NRF1: variants seen among roughly 807,000 people sequenced by gnomAD.
NRF1 encodes nuclear respiratory factor 1, also known as alpha palindromic-binding protein.
A neutral mutation model predicts 58.5 loss-of-function variants in NRF1; 5 were observed. The observed-to-expected ratio is 0.09, with a 90% CI of 0.04 to 0.18. The LOEUF (loss-of-function observed/expected upper bound fraction) is 0.18. Ranked by LOEUF, NRF1 falls within the 10% of genes least tolerant of loss-of-function variation. The probability of loss-of-function intolerance (pLI) is 1.00; values close to 1 mark genes in which losing one functional copy is unlikely to be tolerated. For missense variants in NRF1, 288 were observed against 657.7 expected, an observed-to-expected ratio of 0.44 and a Z score of 6.15; for synonymous variants, 224 against 246.7, an observed-to-expected ratio of 0.91 and a Z score of 0.86.
chr7:129,742,790 A>C (rs569085953), intron 10 of NRF1, among the ~76,000 whole-genome samples: 1 of 152,170 alleles, frequency 6.6e-6, no homozygotes, highest in African/African-American at 2.4e-5. Flanking sequence ...AGCTCTGGAA[A>C]GGTTTTAGAG....
At position 129,741,275 on chromosome 7, in the gene NRF1, G is replaced by A. The variant is rs1163953282; in HGVS notation, c.1349-13743G>A. On this transcript the variant is annotated intron_variant, in intron 10 of 10. Transcript: ENST00000393232. The surrounding 1 kb of genome is among the most constrained non-coding windows in gnomAD (Gnocchi z 4.0). The stretch of plus-strand genomic sequence containing the variant: ...CAAGGTCCCTGCCATCTGGCAGATG[G>A]ACACCACTGACTGTGGTCTCCTCTC... Among the ~76,000 whole-genome samples, 1 of 152,156 alleles carries A rather than the reference G, an allele frequency of 6.6e-6. No homozygotes were observed. The highest frequency in any genetic ancestry group is 1.9e-4 in the East Asian group (1 of 5,188).
intron 10 of NRF1, among the ~76,000 whole-genome samples, chr7:129,740,861 T>G (rs1209042732): frequency 6.6e-6 from 1 of 152,192 alleles, no homozygotes; most frequent in Non-Finnish European, 1.5e-5. Context: ...GCTTAAAGAC[T>G]GCAGATCAAA....
chr7:129,679,088 G>A (rs2151087060), intron 4 of NRF1, among the ~76,000 whole-genome samples: 1 of 152,206 alleles, frequency 6.6e-6, no homozygotes, highest in Admixed American at 6.5e-5. Flanking sequence ...TAGAAAACAA[G>A]GAAGAAATGT....
chr7:129,709,812 C>T (rs1803032379), intron 6 of NRF1, among the ~76,000 whole-genome samples: 1 of 149,662 alleles, frequency 6.7e-6, no homozygotes, highest in Non-Finnish European at 1.5e-5. Flanking sequence ...CTCGCCGCAA[C>T]CTCTGCCTCC....
intron 4 of NRF1, among the ~76,000 whole-genome samples, chr7:129,678,122 G>A (rs950998284): frequency 2.6e-5 from 4 of 152,080 alleles, no homozygotes; most frequent in Non-Finnish European, 5.9e-5. Flanking sequence ...CTTCCTGAGG[G>A]AAACCTGGGG....
chr7:129,613,693 G>A (rs566860037), intron 1 of NRF1, among the ~76,000 whole-genome samples: 36 of 151,436 alleles, frequency 2.4e-4, no homozygotes, highest in African/African-American at 8.2e-4. Flanking sequence ...GAGGTCAGGA[G>A]TTCGAGACCA....
intron 9 of NRF1, among the ~76,000 whole-genome samples, chr7:129,722,559 C>T (rs972090261): frequency 6.6e-6 from 1 of 152,146 alleles, no homozygotes; most frequent in Admixed American, 6.5e-5. Context: ...AATAATTAAT[C>T]GTACTGATCT....
At chr7:129,686,172 A>G (rs1452497017) in intron 4 of NRF1, among the ~76,000 whole-genome samples, 1 of 151,422 alleles carries the variant, frequency 6.6e-6, no homozygotes, top group Admixed American at 6.6e-5. Flanking sequence ...AAGGTGAGCG[A>G]CGAGGTTGGG....
chr7:129,757,049 A>G lies in NRF1; in HGVS notation c.*1868A>G, dbSNP rs1274379350. On this transcript the variant is annotated 3_prime_UTR_variant, in exon 11 of 11. Coordinates refer to ENST00000393232, the MANE Select transcript of NRF1 (RefSeq NM_005011.5). The stretch of plus-strand genomic sequence containing the variant: ...TTCCCATTCTGTCTTTGACTGCCTC[A>G]TTCAATAAATAGTTAAAAATGTGGC... 2 of 152,600 alleles carry G rather than the reference A, an allele frequency of 1.3e-5. No homozygotes were observed. The highest frequency in any genetic ancestry group is 2.4e-5 in the African/African-American group (1 of 41,434). The allele number at this position is 152,600 out of a possible 1,614,324, so 9.5% of individuals were successfully genotyped here. A position where few individuals can be genotyped will look rare whatever the true frequency, so the allele number is the denominator to read the frequency against.
chr7:129,677,985 GC>G (rs1802221499), intron 4 of NRF1, among the ~76,000 whole-genome samples: 1 of 151,404 alleles, frequency 6.6e-6, no homozygotes, highest in Non-Finnish European at 1.5e-5. Context: ...GCAATGGGTG[GC>G]CGGGGGAAGG....
chr7:129,649,439 A>G (rs954234752), intron 1 of NRF1, among the ~76,000 whole-genome samples: 1 of 152,186 alleles, frequency 6.6e-6, no homozygotes, highest in Non-Finnish European at 1.5e-5. Flanking sequence ...ACATTTAGTT[A>G]CACTTTGATT....
At chr7:129,726,923 C>G (rs1803463533) in intron 9 of NRF1, among the ~76,000 whole-genome samples, 1 of 152,188 alleles carries the variant, frequency 6.6e-6, no homozygotes, top group South Asian at 2.1e-4. Context: ...CTATGGCTTG[C>G]AAGCACTCAG....
At chr7:129,669,489 G>A (rs949314947) in intron 2 of NRF1, among the ~76,000 whole-genome samples, 1 of 152,132 alleles carries the variant, frequency 6.6e-6, no homozygotes, top group Non-Finnish European at 1.5e-5. Context: ...GGATAGATAT[G>A]TATAATAAGA....
chr7:129,627,570 CAAGTT>C (rs1235191448), intron 1 of NRF1, among the ~76,000 whole-genome samples: 2 of 152,044 alleles, frequency 1.3e-5, no homozygotes, highest in Admixed American at 6.6e-5. Flanking sequence ...TGTAGGACTC[CAAGTT>C]TTTTGTCCTG....
chr7:129,699,776 C>T (rs958907406), intron 5 of NRF1, among the ~76,000 whole-genome samples: 9 of 151,018 alleles, frequency 6.0e-5, no homozygotes, highest in African/African-American at 2.2e-4. Flanking sequence ...TACCAGGGAC[C>T]ATGGGGAGGT....
intron 5 of NRF1, among the ~76,000 whole-genome samples, chr7:129,699,829 G>C (rs1466262642): frequency 6.6e-6 from 1 of 151,932 alleles, no homozygotes; most frequent in Non-Finnish European, 1.5e-5. Context: ...GAATTTGTTT[G>C]AGATGATAAT....
Position 129,727,241 on chromosome 7 carries a change from C to T in NRF1, c.1224C>T (p.Ser408=), listed in dbSNP as rs374592185. ...QGATVTMALN[S]EAAAHAVATL... is the part of the protein sequence containing the mutation. ...CTCTCTCCTGTTCCTGTGCCCGCAG[C>T]GAAGCTGCCGCCCATGCTGTCGCCA... is the stretch of plus-strand genomic sequence containing the variant. The change falls in exon 10 of 11, where the codon AGC becomes AGT. Residue 408 remains serine, a splice_region_variant and synonymous_variant. Transcript: ENST00000393232. The T allele has an allele frequency of 2.6e-4, 414 of 1,589,292 alleles. No homozygotes were observed. The highest frequency in any genetic ancestry group is 3.3e-4 in the Non-Finnish European group (393 of 1,173,202).
rs570335596 is a variant in NRF1 at position 129,630,042 on chromosome 7, G to A, written c.-7+18218G>A. 8 of 152,350 alleles carry A rather than the reference G, an allele frequency of 5.3e-5. 1 individual carries two copies. The East Asian group carries it at 1.5e-3, about 29-fold the overall frequency. The allele number at this position is 152,350 out of a possible 1,614,324, so 9.4% of individuals were successfully genotyped here. A position where few individuals can be genotyped will look rare whatever the true frequency, so the allele number is the denominator to read the frequency against. On this transcript the variant is annotated intron_variant, in intron 1 of 10. Transcript: ENST00000393232. ...TTTGAGAACTGCTGTTAAGCTATTT[G>A]AGGGTCGAACTAATCATCCTAATAT...
At chr7:129,737,022 C>G (rs1803730993) in intron 10 of NRF1, among the ~76,000 whole-genome samples, 1 of 152,230 alleles carries the variant, frequency 6.6e-6, no homozygotes, top group African/African-American at 2.4e-5. Flanking sequence ...CTGTCAAGTT[C>G]TTAGCATAGT....
Sources: allele counts gnomAD v4.1 joint callset (sites outside exome capture counted in the v4.1 genomes callset), GRCh38; gene constraint gnomAD v4.1.1; non-coding constraint Gnocchi (gnomAD v3.1); transcripts MANE v1.5; gene names NCBI Gene and HGNC (gene_info 2026-07-23, HGNC 2026-07-21).